KAZN: variants seen among roughly 807,000 people sequenced by gnomAD.
KAZN encodes the protein kazrin.
In KAZN, 40 loss-of-function variants were observed where a neutral mutation model predicts 87.4. The ratio of observed to expected loss-of-function variants is 0.46; its 90% confidence interval spans 0.36 to 0.60. The LOEUF is 0.60. Ranked by LOEUF, KAZN falls within the 20% of genes least tolerant of loss-of-function variation. The pLI is 0.00. For missense variants in KAZN, 898 were observed against 1,073.9 expected (o/e 0.84, Z 2.29); for synonymous variants, 466 against 458.3 (o/e 1.02, Z -0.22).
exon 1 of KAZN, chr1:13,893,548 G>A: frequency 6.9e-7 from 1 of 1,447,278 alleles, no homozygotes; most frequent in Non-Finnish European, 9.2e-7. Flanking sequence ...ACATTTTCTT[G>A]GAAGTGACAA....
intron 2 of KAZN, among the ~76,000 whole-genome samples, chr1:14,542,159 C>T (rs1320875336): frequency 1.3e-5 from 2 of 151,976 alleles, no homozygotes; most frequent in Non-Finnish European, 2.9e-5. Flanking sequence ...CTCACAAATA[C>T]GAAGTCCACC....
chr1:14,883,339 A>AGGGAGGGAGG (rs1557586019), intron 1 of KAZN, among the ~76,000 whole-genome samples: 1 of 41,596 alleles, frequency 2.4e-5, no homozygotes, highest in Non-Finnish European at 5.6e-5. Flanking sequence ...AGAGAGAGAG[A>AGGGAGGGAGG]GAGAAAGAAA....
rs548224020 is a variant in KAZN, at chr1:14,883,709, A to G, written c.227-76975A>G. ...ATCAAAGCCAGCCCATCCCCATCAC[A>G]TGGACACAGGCAAGACCTTCCAGGC... On this transcript the variant is annotated intron_variant, in intron 1 of 14. Coordinates refer to ENST00000376030, the MANE Select transcript of KAZN (RefSeq NM_201628.3). Among the ~76,000 whole-genome samples, 6 of 152,268 alleles carry G rather than the reference A, an allele frequency of 3.9e-5. No individual in the cohort carries two copies. In the South Asian group the frequency reaches 1.2e-3, roughly 32 times the overall value.
intron 4 of KAZN, among the ~76,000 whole-genome samples, chr1:15,050,165 G>GAATAGAATAGAATAA (rs1674208871): frequency 1.9e-5 from 1 of 53,728 alleles, no homozygotes; most frequent in Admixed American, 1.8e-4. Flanking sequence ...GAATGGAATA[G>GAATAGAATAGAATAA]AATAGAATAG....
intron 1 of KAZN, among the ~76,000 whole-genome samples, chr1:14,731,408 G>A (rs1442788936): frequency 2.6e-5 from 4 of 152,292 alleles, no homozygotes; most frequent in South Asian, 2.1e-4. Flanking sequence ...CCAGCCCCAA[G>A]GCCCTGTGAC....
At chr1:14,521,437 A>G (rs546586226) in intron 2 of KAZN, among the ~76,000 whole-genome samples, 2 of 152,350 alleles carry the variant, frequency 1.3e-5, no homozygotes, top group Non-Finnish European at 2.9e-5. Flanking sequence ...GAAAAAGGTA[A>G]ATTTCGGCTT....
intron 1 of KAZN, among the ~76,000 whole-genome samples, chr1:14,036,507 A>G (rs902487113): frequency 2.0e-5 from 3 of 152,136 alleles, no homozygotes; most frequent in Admixed American, 2.0e-4. Context: ...GAAAATTTAG[A>G]AAGTGCAATA....
intron 1 of KAZN, among the ~76,000 whole-genome samples, chr1:14,661,378 C>T (rs528300682): frequency 1.8e-4 from 27 of 152,170 alleles, no homozygotes; most frequent in African/African-American, 6.5e-4. Flanking sequence ...GAACATTATT[C>T]TGGGTTAAGA....
At chr1:14,740,926 C>T (rs1409157604) in intron 1 of KAZN, among the ~76,000 whole-genome samples, 1 of 152,206 alleles carries the variant, frequency 6.6e-6, no homozygotes, top group African/African-American at 2.4e-5. Flanking sequence ...ACTTTCCCTC[C>T]ATGGTGCCTG....
intron 2 of KAZN, among the ~76,000 whole-genome samples, chr1:14,339,436 T>G (rs703799): frequency 6.6e-6 from 1 of 151,966 alleles, no homozygotes; most frequent in African/African-American, 2.4e-5. Context: ...ACCAGTAGGA[T>G]GTGTATATGC....
At chr1:14,267,359 CAAA>C (rs61641430) in intron 2 of KAZN, among the ~76,000 whole-genome samples, 7 of 64,728 alleles carry the variant, frequency 1.1e-4, no homozygotes, top group Non-Finnish European at 1.3e-4. Context: ...AGCCGATAAG[CAAA>C]AAAAAAAAAA....
rs139259863 is a variant in KAZN at position 13,959,372 on chromosome 1, C to A, written c.91+65616C>A. ...CAGGAACTCAGACAAGGACCATACC[C>A]GACCTCACCTTGAGATGCTCTGGGA... On this transcript the variant is annotated intron_variant, in intron 1 of 16. Transcript: ENST00000636203. 7.8e-4 allele frequency among the ~76,000 whole-genome samples: 119 copies of A among 152,302 alleles called. No individual in the cohort carries two copies. The Middle Eastern group carries it at 0.01, about 13-fold the overall frequency.
chr1:14,012,982 G>A (rs985842918), intron 1 of KAZN, among the ~76,000 whole-genome samples: 2 of 152,204 alleles, frequency 1.3e-5, no homozygotes, highest in African/African-American at 4.8e-5. Context: ...GCCTGATAGA[G>A]ACCAGCATCC....
intron 1 of KAZN, among the ~76,000 whole-genome samples, chr1:13,910,253 A>G (rs554111596): frequency 1.3e-5 from 2 of 152,312 alleles, no homozygotes; most frequent in East Asian, 3.9e-4. Flanking sequence ...TGACGCCTGT[A>G]ATCCCAGCAC....
At chr1:14,171,450 C>T (rs1645952136) in intron 1 of KAZN, among the ~76,000 whole-genome samples, 2 of 152,088 alleles carry the variant, frequency 1.3e-5, no homozygotes. Context: ...TTGCCTCCAG[C>T]ATCAACTTTT....
At position 15,110,091 on chromosome 1, in the gene KAZN, ATG is replaced by A. The variant is rs1247659334; in HGVS notation, c.2049-2330_2049-2329del. Among the ~76,000 whole-genome samples, 12 of 144,078 alleles carry A rather than the reference ATG, an allele frequency of 8.3e-5. 1 individual carries two copies. The highest frequency in any genetic ancestry group is 4.4e-4 in the South Asian group (2 of 4,502). 94.5% of individuals were successfully genotyped at this position (144,078 alleles called of 152,430 possible). A position where few individuals can be genotyped will look rare whatever the true frequency, so the allele number is the denominator to read the frequency against. ...CCTGTGTGTGTATGTGTGTATATGTATGTGTGTATGTGCGTATTTGTGTGTGT... is the reference window on the plus strand; with the variant it reads ...CCTGTGTGTGTATGTGTGTATATGTATGTGTATGTGCGTATTTGTGTGTGT... On this transcript the variant is annotated intron_variant, in intron 13 of 14. Transcript: ENST00000376030.
chr1:13,940,460 T>A (rs929647067), intron 1 of KAZN, among the ~76,000 whole-genome samples: 4 of 152,242 alleles, frequency 2.6e-5, no homozygotes, highest in Admixed American at 1.3e-4. Flanking sequence ...TGATCTTTTA[T>A]CTTTCTGTGG....
intron 2 of KAZN, among the ~76,000 whole-genome samples, chr1:14,276,397 G>T (rs551786862): frequency 1.3e-5 from 2 of 151,894 alleles, no homozygotes; most frequent in Non-Finnish European, 2.9e-5. Flanking sequence ...CATTTTCTGG[G>T]ACTGCCTTAA....
chr1:14,366,115 T>C (rs1182793064), intron 2 of KAZN, among the ~76,000 whole-genome samples: 1 of 152,362 alleles, frequency 6.6e-6, no homozygotes, highest in African/African-American at 2.4e-5. Context: ...TGGTAGTCCA[T>C]TGCAGCTGTT....
Sources: gnomAD v4.1 joint callset for allele counts (sites outside exome capture counted in the v4.1 genomes callset) on GRCh38, gnomAD v4.1.1 for gene constraint, MANE v1.5 for transcripts, NCBI Gene and HGNC (gene_info 2026-07-23, HGNC 2026-07-21) for gene names.